Variants in AKTIP observed in about 807,000 individuals in gnomAD.
AKTIP encodes AKT interacting protein.
AKTIP carries 16 observed loss-of-function variants against 39.1 expected under a neutral mutation model. That is an observed-to-expected ratio of 0.41 (90% CI 0.28 to 0.62). The LOEUF is 0.62. Ranked by LOEUF, AKTIP falls within the 20% of genes least tolerant of loss-of-function variation. The pLI is 0.32. For missense variants in AKTIP, 262 were observed against 356.6 expected, an observed-to-expected ratio of 0.73 and a Z score of 2.14; for synonymous variants, 93 against 124.3, an observed-to-expected ratio of 0.75 and a Z score of 1.67.
In AKTIP at chr16:53,494,325, C is replaced by T. The variant is rs372351551; in HGVS notation, c.602+14G>A. ...TTCAAATTTATTTTAAATAACAAAG[C>T]AAAAGTTACATACAGTACTGCAGCC... On this transcript the variant is annotated intron_variant, in intron 7 of 9. Transcript: ENST00000394657. The T allele has an allele frequency of 1.9e-6, 3 of 1,613,290 alleles. No homozygotes were observed. The African/African-American group carries it at 4.0e-5, about 22-fold the overall frequency.
At chr16:53,495,409 A>G (rs1961769664) in intron 3 of AKTIP, 83 bp from the exon 4 acceptor site, 4 of 1,342,170 alleles carry the variant, frequency 3.0e-6, no homozygotes, top group African/African-American at 1.4e-5. Flanking sequence ...CTTTGAGACA[A>G]TGAACGGCCC....
intron 5 of AKTIP, 68 bp from the exon 6 acceptor site, chr16:53,494,673 C>T (rs1961717009): frequency 4.1e-6 from 6 of 1,476,102 alleles, no homozygotes; most frequent in Admixed American, 1.9e-5. Context: ...CCATAGGAAT[C>T]GTGATAAAAA....
rs200443249 is a variant in AKTIP at position 53,495,040 on chromosome 16, C to T, written c.414+33G>A. On this transcript the variant is annotated intron_variant, in intron 5 of 9. Transcript: ENST00000394657. ...GCCCTTTCAGCCCTTCTCGCTGATC[C>T]ACAAATAAAGCCAGACTGTGTCTCC... is the stretch of plus-strand genomic sequence containing the variant. 6.6e-5 allele frequency: 105 copies of T among 1,587,226 alleles called. No homozygotes were observed. In the Admixed American group the frequency reaches 1.7e-3, roughly 26 times the overall value.
Position 53,492,766 on chromosome 16 carries a change from A to G in AKTIP, c.711-13T>C, listed in dbSNP as rs1438917120. 6.2e-7 allele frequency: 1 copy of G among 1,610,288 alleles called. No individual in the cohort carries two copies. The highest frequency in any genetic ancestry group is 1.7e-5 in the Admixed American group (1 of 59,302). On this transcript the variant is annotated splice_polypyrimidine_tract_variant and intron_variant, in intron 8 of 9. Coordinates refer to ENST00000394657, the MANE Select transcript of AKTIP (RefSeq NM_022476.4). The stretch of plus-strand genomic sequence containing the variant: ...CCATGGAGAAAAGCTTAAGGAAGAG[A>G]AAAGTATTTAAAAACTATTTGTTGG...
intron 2 of AKTIP, 106 bp from the exon 3 acceptor site, chr16:53,498,702 A>G: frequency 9.1e-7 from 1 of 1,100,906 alleles, no homozygotes; most frequent in East Asian, 2.4e-5. Flanking sequence ...CTTTACAAGC[A>G]CATTCTAACA....
chr16:53,497,955 G>C (rs1453401910), intron 3 of AKTIP, among the ~76,000 whole-genome samples: 8 of 152,152 alleles, frequency 5.3e-5, no homozygotes. Context: ...CACCATCTTG[G>C]CCAGGCTGGT....
intron 3 of AKTIP, among the ~76,000 whole-genome samples, chr16:53,497,778 T>TG (rs1365020543): frequency 6.6e-6 from 1 of 152,248 alleles, no homozygotes; most frequent in Non-Finnish European, 1.5e-5. Context: ...GAGACGGGGT[T>TG]TCGCTTTATC....
intron 2 of AKTIP, among the ~76,000 whole-genome samples, chr16:53,499,430 T>C (rs1861350): frequency 0.47 from 70,974 of 150,540 alleles, 17,481 homozygotes; most frequent in Middle Eastern, 0.61. Context: ...GTGTTTGTTC[T>C]CCTAGAGGTG....
chr16:53,494,607 T>G lies in AKTIP; in HGVS notation c.415-2A>C. 6.2e-7 allele frequency: 1 copy of G among 1,613,596 alleles called. No homozygotes were observed. The highest frequency in any genetic ancestry group is 8.5e-7 in the Non-Finnish European group (1 of 1,179,632). On this transcript the variant is annotated splice_acceptor_variant, in intron 5 of 9. Transcript: ENST00000394657. LOFTEE classifies it high-confidence loss of function. ...GACAGGAATATCGAACACCAAGCGC[T>G]GTATTTAAATAAAGAGAGACATGTC...
rs754189096 is a variant in AKTIP at position 53,494,242 on chromosome 16, A to C, written c.606T>G (p.Tyr202Ter). Residue 202 changes from tyrosine to a stop codon, truncating the protein, a stop_gained, in exon 8 of 10, where the codon TAT (tyrosine) becomes TAG (stop). Coordinates refer to ENST00000394657, the MANE Select transcript of AKTIP (RefSeq NM_022476.4). LOFTEE classifies it high-confidence loss of function. ...TTTTAAAAAGCTGAATATCTTTTTC[A>C]TACCTGTGTTAAAAGTTTAAGTCAA... is the stretch of plus-strand genomic sequence containing the variant. ...SPLNPEAAVL[Y>*]EKDIQLFKSK... 1.2e-6 allele frequency: 2 copies of C among 1,614,012 alleles called. No individual in the cohort carries two copies. Among genetic ancestry groups the C allele is most frequent in the African/African-American group, 2.7e-5 (2 of 75,052 alleles).
rs1162894626 is a variant in AKTIP, at chr16:53,495,175, T to C, written c.314-2A>G. On this transcript the variant is annotated splice_acceptor_variant, in intron 4 of 9. Transcript: ENST00000394657. LOFTEE classifies it high-confidence loss of function. Reference sequence around the variant, plus strand: ...GTATGAATATTACTCCAAACCACACTGTAGGAAAAAATAAAAGAGTTAAGG... The same window carrying C: ...GTATGAATATTACTCCAAACCACACCGTAGGAAAAAATAAAAGAGTTAAGG... 5 of 1,612,492 alleles carry C rather than the reference T, an allele frequency of 3.1e-6. No individual in the cohort carries two copies. The highest frequency in any genetic ancestry group is 4.2e-6 in the Non-Finnish European group (5 of 1,179,050).
Position 53,498,502 on chromosome 16 carries a change from T to C in AKTIP, c.137A>G (p.Asn46Ser). 6.2e-7 allele frequency: 1 copy of C among 1,614,014 alleles called. No homozygotes were observed. Among genetic ancestry groups the C allele is most frequent in the Non-Finnish European group, 8.5e-7 (1 of 1,179,860 alleles). Residue 46 changes from asparagine (N) to serine (S), a missense_variant, in exon 3 of 10, where the codon AAT becomes AGT. Transcript: ENST00000394657. ...PKKQLPSIPKNALPITKPTSP... is the reference protein window; with the variant it reads ...PKKQLPSIPKSALPITKPTSP... ...TGTAGGCTTAGTTATGGGCAAAGCA[T>C]TTTTGGGAATAGAAGGCAGCTGTTT...
rs1408266741 is a variant in AKTIP at position 53,491,878 on chromosome 16, T to C, written c.*534A>G. Reference sequence around the variant, plus strand: ...ACTAGGAACAAGTGTTCTGGTTTCTTCTCACTGAACTAAAGACATTTCTCA... The same window carrying C: ...ACTAGGAACAAGTGTTCTGGTTTCTCCTCACTGAACTAAAGACATTTCTCA... On this transcript the variant is annotated 3_prime_UTR_variant, in exon 10 of 10. Transcript: ENST00000394657. 6.6e-6 allele frequency: 1 copy of C among 152,666 alleles called. No individual in the cohort carries two copies. Among genetic ancestry groups the C allele is most frequent in the Non-Finnish European group, 1.5e-5 (1 of 68,066 alleles). The allele number at this position is 152,666 out of a possible 1,614,324, so 9.5% of individuals were successfully genotyped here. A position where few individuals can be genotyped will look rare whatever the true frequency, so the allele number is the denominator to read the frequency against.
chr16:53,492,790 G>T, intron 8 of AKTIP, 37 bp from the exon 9 acceptor site: 1 of 1,585,068 alleles, frequency 6.3e-7, no homozygotes, highest in Non-Finnish European at 8.6e-7. Flanking sequence ...ACTATTTGTT[G>T]GCTCACTAAA....
rs1161163070 is a variant in AKTIP, at chr16:53,500,301, A to G, written c.-42T>C. 4 of 1,604,310 alleles carry G rather than the reference A, an allele frequency of 2.5e-6. No individual in the cohort carries two copies. In the African/African-American group the frequency reaches 5.4e-5, roughly 22 times the overall value. The stretch of plus-strand genomic sequence containing the variant: ...AAAGAAAGTCAGTGGTGTATCATCC[A>G]AATCTTCTGTCTTCGGCATTCACTT... On this transcript the variant is annotated 5_prime_UTR_variant, in exon 2 of 10. Transcript: ENST00000394657.
intron 2 of AKTIP, among the ~76,000 whole-genome samples, chr16:53,499,626 A>AT (rs1340039497): frequency 6.6e-6 from 1 of 151,438 alleles, no homozygotes; most frequent in Admixed American, 6.6e-5. Flanking sequence ...TGCCCAGCTA[A>AT]TTTTTTTGTA....
intron 1 of AKTIP, among the ~76,000 whole-genome samples, chr16:53,502,035 C>T (rs566299886): frequency 6.6e-6 from 1 of 152,312 alleles, no homozygotes; most frequent in African/African-American, 2.4e-5. Context: ...CCTTGGGACA[C>T]AGTGGTGTGC....
Position 53,494,260 on chromosome 16 carries a change from T to G in AKTIP, c.603-15A>C, listed in dbSNP as rs1406112734. ...CTTTTTCATACCTGTGTTAAAAGTT[T>G]AAGTCAAAAAGTTACTAACTTAATC... On this transcript the variant is annotated splice_polypyrimidine_tract_variant and intron_variant, in intron 7 of 9. Coordinates refer to ENST00000394657, the MANE Select transcript of AKTIP (RefSeq NM_022476.4). 6.2e-7 allele frequency: 1 copy of G among 1,613,328 alleles called. No individual in the cohort carries two copies. The highest frequency in any genetic ancestry group is 1.3e-5 in the African/African-American group (1 of 75,020).
Position 53,495,445 on chromosome 16 carries a change from C to A in AKTIP, c.249-119G>T, listed in dbSNP as rs1031244532. 5 of 886,282 alleles carry A rather than the reference C, an allele frequency of 5.6e-6. No individual in the cohort carries two copies. In the African/African-American group the frequency reaches 6.7e-5, roughly 12 times the overall value. The allele number at this position is 886,282 out of a possible 1,614,324, so 54.9% of individuals were successfully genotyped here. A position where few individuals can be genotyped will look rare whatever the true frequency, so the allele number is the denominator to read the frequency against. On this transcript the variant is annotated intron_variant, in intron 3 of 9. Transcript: ENST00000394657. ...CTCAATGGGCAGCTGATGCCCAAACCCTGCAAGCCAAGTTCTCACAATCTC... is the reference window on the plus strand; with the variant it reads ...CTCAATGGGCAGCTGATGCCCAAACACTGCAAGCCAAGTTCTCACAATCTC...
Sources: gnomAD v4.1 joint callset for allele counts (sites outside exome capture counted in the v4.1 genomes callset) on GRCh38, gnomAD v4.1.1 for gene constraint, MANE v1.5 for transcripts, NCBI Gene and HGNC (gene_info 2026-07-23, HGNC 2026-07-21) for gene names.